PTPRR: variants seen among roughly 807,000 people sequenced by gnomAD.
The protein encoded by PTPRR is protein tyrosine phosphatase receptor type R.
In PTPRR, 38 loss-of-function variants were observed where a neutral mutation model predicts 77.2. That is an observed-to-expected ratio of 0.49 (90% CI 0.38 to 0.65). The LOEUF is 0.65. Among genes scored for constraint, PTPRR ranks in the 30% least tolerant of loss-of-function variants. The probability of loss-of-function intolerance (pLI) is 0.00; values close to 1 mark genes in which losing one functional copy is unlikely to be tolerated. For missense variants in PTPRR, 744 were observed against 799.2 expected (o/e 0.93, Z 0.83); for synonymous variants, 299 against 283.1 (o/e 1.06, Z -0.57).
intron 4 of PTPRR, among the ~76,000 whole-genome samples, chr12:70,755,873 T>C (rs543720506): frequency 2.0e-5 from 3 of 152,236 alleles, no homozygotes; most frequent in South Asian, 4.1e-4. Context: ...TAAATTCCAA[T>C]GTCTCTATAA....
chr12:70,863,308 AT>A (rs1643247998), intron 2 of PTPRR, among the ~76,000 whole-genome samples: 1 of 152,154 alleles, frequency 6.6e-6, no homozygotes, highest in African/African-American at 2.4e-5. Flanking sequence ...TGCTATCAGA[AT>A]AACCAATTTA....
intron 2 of PTPRR, among the ~76,000 whole-genome samples, chr12:70,836,353 G>A (rs1892303575): frequency 6.8e-6 from 1 of 147,692 alleles, no homozygotes; most frequent in Admixed American, 6.8e-5. Context: ...TCATCTGCCT[G>A]CCTGGAAACG....
intron 2 of PTPRR, among the ~76,000 whole-genome samples, chr12:70,872,151 A>G (rs1302560238): frequency 3.9e-5 from 6 of 152,148 alleles, no homozygotes; most frequent in Admixed American, 1.3e-4. Flanking sequence ...TCATTCTGTA[A>G]AAGGCCATCT....
intron 3 of PTPRR, among the ~76,000 whole-genome samples, chr12:70,762,240 T>C (rs368455353): frequency 1.3e-5 from 2 of 152,212 alleles, no homozygotes; most frequent in East Asian, 3.9e-4. Context: ...CCTCATTAGC[T>C]GAAATGGAGT....
intron 8 of PTPRR, among the ~76,000 whole-genome samples, chr12:70,687,153 A>C (rs543474133): frequency 8.5e-5 from 13 of 152,136 alleles, no homozygotes; most frequent in African/African-American, 3.1e-4. Context: ...CAGCACAGAG[A>C]GGTTAAGTAA....
At chr12:70,678,766 C>T (rs558650636) in intron 10 of PTPRR, among the ~76,000 whole-genome samples, 2 of 152,288 alleles carry the variant, frequency 1.3e-5, no homozygotes, top group South Asian at 4.2e-4. Flanking sequence ...ACTGCAACCT[C>T]TGTCTCCTTA....
At chr12:70,712,027 G>A (rs1392269516) in intron 6 of PTPRR, among the ~76,000 whole-genome samples, 1 of 152,096 alleles carries the variant, frequency 6.6e-6, no homozygotes. Flanking sequence ...TCAGTTAGGT[G>A]CTTTGCAAAT....
At chr12:70,794,020 A>G (rs1891466786) in intron 2 of PTPRR, among the ~76,000 whole-genome samples, 1 of 152,102 alleles carries the variant, frequency 6.6e-6, no homozygotes, top group African/African-American at 2.4e-5. Flanking sequence ...CTCATATACC[A>G]CAAGCTAACC....
intron 1 of PTPRR, among the ~76,000 whole-genome samples, chr12:70,917,830 G>C (rs1235168588): frequency 6.6e-6 from 1 of 152,070 alleles, no homozygotes; most frequent in Non-Finnish European, 1.5e-5. Context: ...CTTACATCCC[G>C]TTAGCACATT....
At chr12:70,757,808 A>C (rs1227227176) in intron 4 of PTPRR, among the ~76,000 whole-genome samples, 13 of 152,260 alleles carry the variant, frequency 8.5e-5, no homozygotes, top group Non-Finnish European at 1.5e-5. Flanking sequence ...AACATGTTAT[A>C]ATTTTAAGAT....
intron 1 of PTPRR, among the ~76,000 whole-genome samples, chr12:70,906,518 T>C (rs1024418999): frequency 6.6e-6 from 1 of 152,000 alleles, no homozygotes; most frequent in Non-Finnish European, 1.5e-5. Context: ...TAATCTCCAG[T>C]TAAAAGTGTC....
At chr12:70,803,230 C>T (rs1430973462) in intron 2 of PTPRR, among the ~76,000 whole-genome samples, 1 of 152,092 alleles carries the variant, frequency 6.6e-6, no homozygotes. Flanking sequence ...TACAGTAATT[C>T]CAAATTTCAA....
intron 10 of PTPRR, among the ~76,000 whole-genome samples, chr12:70,663,281 G>A (rs118190047): frequency 8.5e-5 from 13 of 152,136 alleles, no homozygotes; most frequent in Non-Finnish European, 4.4e-5. Flanking sequence ...CTGCAAGCAA[G>A]GCAACATAGC....
At chr12:70,695,196 G>A (rs1302115556) in intron 8 of PTPRR, among the ~76,000 whole-genome samples, 2 of 152,222 alleles carry the variant, frequency 1.3e-5, no homozygotes, top group Non-Finnish European at 2.9e-5. Context: ...AAGCTGTCAA[G>A]CTTTTAGAAC....
At chr12:70,816,787 A>G (rs1891910188) in intron 2 of PTPRR, among the ~76,000 whole-genome samples, 1 of 152,060 alleles carries the variant, frequency 6.6e-6, no homozygotes, top group South Asian at 2.1e-4. Flanking sequence ...GTATTTATTT[A>G]AAATATTTTA....
chr12:70,684,731 G>A lies in PTPRR; in HGVS notation c.1332C>T (p.Ser444=). 1 of 1,605,708 alleles carries A rather than the reference G, an allele frequency of 6.2e-7. No individual in the cohort carries two copies. Among genetic ancestry groups the A allele is most frequent in the Non-Finnish European group, 8.5e-7 (1 of 1,173,942 alleles). ...TAATATAATTAGCATTAATGTAGGT[G>A]CTCAATGAATCGGTTACATTTTTTG... The part of the protein sequence containing the change: ...LRPKNVTDSL[S]TYINANYIRG... Residue 444 remains serine (S), a synonymous_variant, in exon 9 of 14, where the codon AGC becomes AGT. Coordinates refer to ENST00000283228, the MANE Select transcript of PTPRR (RefSeq NM_002849.4).
intron 2 of PTPRR, among the ~76,000 whole-genome samples, chr12:70,843,885 G>A (rs1278274372): frequency 1.4e-5 from 2 of 145,250 alleles, no homozygotes; most frequent in East Asian, 2.0e-4. Context: ...GCACAATCTC[G>A]GCTCACTGCA....
chr12:70,786,092 C>T lies in PTPRR; in HGVS notation c.358-21314G>A, dbSNP rs116420037. 2.0e-3 allele frequency among the ~76,000 whole-genome samples: 301 copies of T among 152,248 alleles called. 1 individual carries two copies. The highest frequency in any genetic ancestry group is 6.9e-3 in the African/African-American group (288 of 41,526). On this transcript the variant is annotated intron_variant, in intron 2 of 13. Coordinates refer to ENST00000283228, the MANE Select transcript of PTPRR (RefSeq NM_002849.4). ...AGGGTCAGGCAGAAACCCTGTGTGG[C>T]CAAAAGCTCAACACTCAGGCAAATG...
chr12:70,754,516 C>T (rs747107369), intron 4 of PTPRR: 173 of 1,578,922 alleles, frequency 1.1e-4, no homozygotes, highest in Non-Finnish European at 1.4e-4. Context: ...CAGGAGCAAG[C>T]GTGCCTGACA....
Sources: allele counts gnomAD v4.1 joint callset (sites outside exome capture counted in the v4.1 genomes callset), GRCh38; gene constraint gnomAD v4.1.1; transcripts MANE v1.5; gene names NCBI Gene and HGNC (gene_info 2026-07-23, HGNC 2026-07-21).